The following PZP variants were observed in gnomAD, a reference collection of about 807,000 sequenced individuals.
PZP encodes pregnancy zone protein.
Under a neutral mutation model 179.8 loss-of-function variants are expected in PZP, and 150 were observed. The observed-to-expected ratio is 0.83, with a 90% CI of 0.73 to 0.96. The LOEUF (loss-of-function observed/expected upper bound fraction) is 0.96, where lower values mean the gene tolerates loss of function less well. Among genes scored for constraint, PZP ranks in the 40% least tolerant of loss-of-function variants. PZP has a pLI of 0.00. For synonymous variants in PZP, 624 were observed against 652.3 expected, an observed-to-expected ratio of 0.96 and a Z score of 0.66; for missense variants, 1,689 against 1,764.0, an observed-to-expected ratio of 0.96 and a Z score of 0.76.
intron 7 of PZP, among the ~76,000 whole-genome samples, chr12:9,198,531 T>A (rs1565665952): frequency 6.6e-6 from 1 of 151,908 alleles, no homozygotes; most frequent in African/African-American, 2.4e-5. Flanking sequence ...ACACGTGCAC[T>A]GACACACATG....
chr12:9,153,874 T>C (rs965239762), intron 29 of PZP, among the ~76,000 whole-genome samples: 1 of 152,234 alleles, frequency 6.6e-6, no homozygotes, highest in Non-Finnish European at 1.5e-5. Flanking sequence ...ACTCTGGGTG[T>C]TTAATACAAT....
At chr12:9,157,990 G>A in intron 26 of PZP, 149 bp from the exon 27 acceptor site, 2 of 741,744 alleles carry the variant, frequency 2.7e-6, no homozygotes, top group Non-Finnish European at 4.5e-6. Flanking sequence ...TTCTTGCTCT[G>A]TAGCTCAGGC....
At chr12:9,159,822 T>C (rs1941038270) in intron 25 of PZP, 116 bp downstream of exon 25, 1 of 914,356 alleles carries the variant, frequency 1.1e-6, no homozygotes, top group Non-Finnish European at 1.7e-6. Context: ...CTTTTCTTTA[T>C]AAATTACCTA....
intron 33 of PZP, among the ~76,000 whole-genome samples, chr12:9,151,351 C>T (rs1364518983): frequency 2.6e-5 from 4 of 152,108 alleles, no homozygotes; most frequent in East Asian, 1.9e-4. Context: ...ACATGGTACA[C>T]CTTTTTTCTA....
intron 4 of PZP, among the ~76,000 whole-genome samples, chr12:9,201,553 T>C (rs1376656178): frequency 6.6e-6 from 1 of 152,210 alleles, no homozygotes; most frequent in African/African-American, 2.4e-5. Flanking sequence ...TATTATTATG[T>C]GTTGCCATTT....
chr12:9,183,684 C>T (rs766739260), intron 13 of PZP, among the ~76,000 whole-genome samples: 1 of 152,206 alleles, frequency 6.6e-6, no homozygotes, highest in South Asian at 2.1e-4. Context: ...CCAATGTGCC[C>T]GGCCAAAATT....
rs758095537 is a variant in PZP at position 9,201,039 on chromosome 12, C to A, written c.523G>T (p.Ala175Ser). 8.7e-6 allele frequency: 14 copies of A among 1,613,940 alleles called. No individual in the cohort carries two copies. In the East Asian group the frequency reaches 3.1e-4, roughly 36 times the overall value. Reference protein sequence around the residue: ...YLENPRRNRIAQWQSLKLEAG... With the variant: ...YLENPRRNRISQWQSLKLEAG... ...TCTAGCTTGAGACTCTGCCATTGTG[C>A]AATTCGATTTCTTCTTGGGTTCTGA... The change falls in exon 6 of 36, where the codon GCA becomes TCA. Residue 175 changes from alanine (A) to serine (S), a missense_variant. Ala to Ser is a moderately conservative substitution (Grantham distance 99). Around this residue, in one of 3 missense-constraint regions of PZP, gnomAD observed 742 missense variants for 730.5 expected, o/e 1.02. Transcript: ENST00000261336.
At chr12:9,182,441 T>G (rs1358071224) in intron 13 of PZP, among the ~76,000 whole-genome samples, 2 of 152,254 alleles carry the variant, frequency 1.3e-5, no homozygotes, top group East Asian at 3.8e-4. Flanking sequence ...ACAACTATTT[T>G]ATTTACATTT....
Position 9,168,912 on chromosome 12 carries a change from G to C in PZP, c.2064C>G (p.Ile688Met), listed in dbSNP as rs1941781525. Residue 688 changes from isoleucine (I) to methionine (M), a missense_variant, in exon 17 of 36, where the codon ATC becomes ATG. Transcript: ENST00000261336. ...KIRKPKSCSV[I>M]PSVSAGAVGQ... ...CTACTGCTCCTGCAGACACGGAAGGGATGACTGAACACGACTTTGGTTTTC... is the reference window on the plus strand; with the variant it reads ...CTACTGCTCCTGCAGACACGGAAGGCATGACTGAACACGACTTTGGTTTTC... 1 of 1,613,928 alleles carries C rather than the reference G, an allele frequency of 6.2e-7. No homozygotes were observed. Among genetic ancestry groups the C allele is most frequent in the Admixed American group, 1.7e-5 (1 of 59,998 alleles).
At chr12:9,145,966 TTC>T (rs1462007306), downstream of PZP, among the ~76,000 whole-genome samples, 4 of 152,188 alleles carry the variant, frequency 2.6e-5, no homozygotes, top group Non-Finnish European at 5.9e-5. Context: ...GCTTTGAAAA[TTC>T]TCTTTTACTT....
At position 9,154,467 on chromosome 12, in the gene PZP, T is replaced by C. The variant is rs1002210906; in HGVS notation, c.3774+149A>G. 29 of 810,606 alleles carry C rather than the reference T, an allele frequency of 3.6e-5. No homozygotes were observed. The African/African-American group carries it at 5.0e-4, about 14-fold the overall frequency. 50.2% of individuals were successfully genotyped at this position (810,606 alleles called of 1,614,324 possible). A position where few individuals can be genotyped will look rare whatever the true frequency, so the allele number is the denominator to read the frequency against. On this transcript the variant is annotated intron_variant, in intron 29 of 35. Transcript: ENST00000261336. ...GTGTTATGGGGGATGTCTTAAGTCT[T>C]TCCTTTAAATTCTCATGGTCCTCAA... is the stretch of plus-strand genomic sequence containing the variant.
chr12:9,190,852 C>T (rs1210009134), intron 13 of PZP, among the ~76,000 whole-genome samples: 1 of 152,034 alleles, frequency 6.6e-6, no homozygotes, highest in Non-Finnish European at 1.5e-5. Flanking sequence ...GGAAGCTCAA[C>T]TTGGACAATT....
chr12:9,161,835 G>A (rs775760968), intron 22 of PZP, among the ~76,000 whole-genome samples: 11 of 152,038 alleles, frequency 7.2e-5, no homozygotes, highest in South Asian at 2.1e-4. Flanking sequence ...TTTTCTACAC[G>A]GAAAACACAC....
chr12:9,154,479 C>G (rs1225091636), intron 29 of PZP, 137 bp downstream of exon 29: 2 of 887,958 alleles, frequency 2.3e-6, no homozygotes, highest in African/African-American at 3.4e-5. Context: ...CCTTTAAATT[C>G]TCATGGTCCT....
chr12:9,143,903 G>A (rs1939868268), downstream of PZP, among the ~76,000 whole-genome samples: 1 of 152,120 alleles, frequency 6.6e-6, no homozygotes, highest in African/African-American at 2.4e-5. Flanking sequence ...TTTTGTTGTA[G>A]GTGTCCCCAG....
rs764119576 is a variant in PZP at position 9,165,138 on chromosome 12, C to T, written c.2487+1G>A. On this transcript the variant is annotated splice_donor_variant, in intron 19 of 35. Coordinates refer to ENST00000261336, the MANE Select transcript of PZP (RefSeq NM_002864.3). LOFTEE classifies it high-confidence loss of function. ...TTCCTGTTCACCCTCATTTTCCTTA[C>T]CCGGATGCATTTGGGAAGGTAGTTT... 1.7e-5 allele frequency: 28 copies of T among 1,613,304 alleles called. No individual in the cohort carries two copies. The South Asian group carries it at 3.0e-4, about 17-fold the overall frequency.
At chr12:9,139,780 C>T in the PZP span, among the ~76,000 whole-genome samples, 2 of 152,112 alleles carry the variant, frequency 1.3e-5, no homozygotes, top group East Asian at 3.8e-4. Flanking sequence ...AGGAAAGAAA[C>T]ATGAAAAATG....
chr12:9,202,298 C>T, intron 4 of PZP, 21 bp downstream of exon 4: 1 of 1,604,476 alleles, frequency 6.2e-7, no homozygotes, highest in Non-Finnish European at 8.5e-7. Context: ...ACAACCCAAA[C>T]CACAGATAGT....
chr12:9,160,590 G>A (rs913155359), intron 23 of PZP, 100 bp from the exon 24 acceptor site: 6 of 1,126,570 alleles, frequency 5.3e-6, no homozygotes, highest in Non-Finnish European at 7.7e-6. Context: ...TATCATTTAG[G>A]TAAGAGAAAA....
Sources: gnomAD v4.1 joint callset for allele counts (sites outside exome capture counted in the v4.1 genomes callset) on GRCh38, gnomAD v4.1.1 for gene constraint, gnomAD v4.1.1 regional missense constraint, MANE v1.5 for transcripts, NCBI Gene and HGNC (gene_info 2026-07-23, HGNC 2026-07-21) for gene names.